Variants in IGFALS observed in about 807,000 individuals in gnomAD.
IGFALS encodes insulin-like growth factor-binding protein complex acid labile subunit.
Under a neutral mutation model 2.6 loss-of-function variants are expected in IGFALS, and 2 were observed. The ratio of observed to expected loss-of-function variants is 0.77; its 90% CI spans 0.32 to 2.44. The LOEUF is 2.44. Ranked by LOEUF, IGFALS falls within the 30% of genes most tolerant of loss-of-function variation. The pLI is 0.11. For missense variants in IGFALS, 996 were observed against 848.7 expected, an observed-to-expected ratio of 1.17 and a Z score of -2.16; for synonymous variants, 519 against 431.9, an observed-to-expected ratio of 1.20 and a Z score of -2.50.
intron 1 of IGFALS, among the ~76,000 whole-genome samples, chr16:1,792,717 C>T (rs1026373969): frequency 6.6e-6 from 1 of 152,196 alleles, no homozygotes; most frequent in East Asian, 1.9e-4. Flanking sequence ...AGCCGCACCC[C>T]CAAGGCAGGC....
At position 1,791,667 on chromosome 16, in the gene IGFALS, G is replaced by T. The variant is rs141404750; in HGVS notation, c.751C>A (p.Arg251Ser). The stretch of plus-strand genomic sequence containing the variant: ...GGGGCCACGGCAGCGATGAGGTTGC[G>T]GTCCAGGTAGAGTTTCTGGAGCCGG... ...LPRLQKLYLDRNLIAAVAPGA... is the reference protein window; with the variant it reads ...LPRLQKLYLDSNLIAAVAPGA... The change falls in exon 2 of 2, where the codon CGC becomes AGC. Residue 251 changes from arginine to serine, a missense_variant. By Grantham distance (110) the Arg-to-Ser change is moderately radical (BLOSUM62 -1). Transcript: ENST00000215539. 1.3e-6 allele frequency: 2 copies of T among 1,583,102 alleles called. No individual in the cohort carries two copies. Among genetic ancestry groups the T allele is most frequent in the East Asian group, 2.3e-5 (1 of 43,176 alleles).
At chr16:1,794,792 G>T (rs1054535633), upstream of IGFALS, 6 of 698,880 alleles carry the variant, frequency 8.6e-6, no homozygotes, top group Admixed American at 2.0e-5. Flanking sequence ...GGCTCGGGGA[G>T]ACCACAGTTT....
chr16:1,792,448 C>A, intron 1 of IGFALS, 47 bp from the exon 2 acceptor site: 1 of 1,497,470 alleles, frequency 6.7e-7, no homozygotes, highest in Non-Finnish European at 8.9e-7. Context: ...GGGCTCTGCC[C>A]GAGTGAGCCT....
At position 1,791,825 on chromosome 16, in the gene IGFALS, T is replaced by A. The variant is rs184411457; in HGVS notation, c.593A>T (p.Glu198Val). The change falls in exon 2 of 2, where the codon GAG (glutamate) becomes GTG (valine). Residue 198 changes from glutamate (E) to valine (V), a missense_variant. Glu to Val is a moderately radical substitution (Grantham distance 121, BLOSUM62 -2). Transcript: ENST00000215539. ...CAGCCTGTTGCCCGCCAGCACCAGC[T>A]CGCGCAGGCTGCCCAGGCCGCGGAA... Reference protein sequence around the residue: ...AAFRGLGSLRELVLAGNRLAY... With the variant: ...AAFRGLGSLRVLVLAGNRLAY... 261 of 1,549,208 alleles carry A rather than the reference T, an allele frequency of 1.7e-4. No homozygotes were observed. In the East Asian group the frequency reaches 4.7e-3, roughly 28 times the overall value.
At position 1,792,050 on chromosome 16, in the gene IGFALS, T is replaced by C. The variant is rs746846600; in HGVS notation, c.368A>G (p.Asn123Ser). 2 of 1,610,454 alleles carry C rather than the reference T, an allele frequency of 1.2e-6. No homozygotes were observed. The highest frequency in any genetic ancestry group is 2.2e-5 in the South Asian group (2 of 90,750). ...CCGCTCCAGGTGCAGGTGGCACAGG[T>C]TCTCTAGGCCCAGCAGCGCCTGTGG... ...LEPQALLGLE[N>S]LCHLHLERNQ... The change falls in exon 2 of 2, where the codon AAC becomes AGC. Residue 123 changes from asparagine (N) to serine (S), a missense_variant. Physicochemically the swap from Asn to Ser is conservative, Grantham distance 46. Transcript: ENST00000215539.
In IGFALS at chr16:1,791,866, C is replaced by T; in HGVS notation, c.552G>A (p.Val184=). Reference sequence around the variant, plus strand: ...GGCCGCGGAACGCCGCATCGGGGAGCACCGCCAGGCTATTCCAGCCGAGGT... The same window carrying T: ...GGCCGCGGAACGCCGCATCGGGGAGTACCGCCAGGCTATTCCAGCCGAGGT... The part of the protein sequence containing the change: ...DLNLGWNSLA[V]LPDAAFRGLG... The change falls in exon 2 of 2, where the codon GTG becomes GTA. Residue 184 remains valine, a synonymous_variant. Coordinates refer to ENST00000215539, the MANE Select transcript of IGFALS (RefSeq NM_004970.3). 1.9e-6 allele frequency: 3 copies of T among 1,558,164 alleles called. No homozygotes were observed. The highest frequency in any genetic ancestry group is 2.6e-6 in the Non-Finnish European group (3 of 1,152,622).
chr16:1,794,604 C>T (rs1002679760), upstream of IGFALS, among the ~76,000 whole-genome samples: 1 of 152,176 alleles, frequency 6.6e-6, no homozygotes, highest in Non-Finnish European at 1.5e-5. Flanking sequence ...TCCACCTGCT[C>T]AAACCACTTC....
At chr16:1,792,836 C>T (rs1394186646) in intron 1 of IGFALS, among the ~76,000 whole-genome samples, 3 of 152,228 alleles carry the variant, frequency 2.0e-5, no homozygotes, top group African/African-American at 7.2e-5. Flanking sequence ...TCTTGGTGGG[C>T]ACTCGCTCAC....
rs557719175 is a variant in IGFALS, at chr16:1,791,695, C to T, written c.723G>A (p.Leu241=). The change falls in exon 2 of 2, where the codon CTG becomes CTA. Residue 241 remains leucine (L), a synonymous_variant. Coordinates refer to ENST00000215539, the MANE Select transcript of IGFALS (RefSeq NM_004970.3). Reference sequence around the variant, plus strand: ...CCAGGTAGAGTTTCTGGAGCCGGGGCAGCTGCACGAACACGTTTGCCTTGA... The same window carrying T: ...CCAGGTAGAGTTTCTGGAGCCGGGGTAGCTGCACGAACACGTTTGCCTTGA... ...RAIKANVFVQ[L]PRLQKLYLDR... The T allele has an allele frequency of 4.4e-6, 7 of 1,575,446 alleles. No individual in the cohort carries two copies. The highest frequency in any genetic ancestry group is 6.0e-6 in the Non-Finnish European group (7 of 1,165,040).
At chr16:1,793,584 G>T in intron 1 of IGFALS, 53 bp downstream of exon 1, 3 of 1,565,904 alleles carry the variant, frequency 1.9e-6, no homozygotes, top group Non-Finnish European at 2.6e-6. Context: ...GCGGGCTCAG[G>T]GTCACAGACT....
rs374126723 is a variant in IGFALS, at chr16:1,792,309, C to T, written c.109G>A (p.Glu37Lys). 2.3e-5 allele frequency: 37 copies of T among 1,597,086 alleles called. No homozygotes were observed. Among genetic ancestry groups the T allele is most frequent in the African/African-American group, 6.7e-5 (5 of 74,878 alleles). Residue 37 changes from glutamate (E) to lysine (K), a missense_variant, in exon 2 of 2, where the codon GAG becomes AAG. Glu to Lys is a moderately conservative substitution (Grantham distance 56). Coordinates refer to ENST00000215539, the MANE Select transcript of IGFALS (RefSeq NM_004970.3). ...CAGGCGGCCGGGCACGCTGGGCCCT[C>T]GGCTTCCCCCGGCGTTCCGGGGTCT... Reference protein sequence around the residue: ...GADPGTPGEAEGPACPAACVC... With the variant: ...GADPGTPGEAKGPACPAACVC...
chr16:1,794,787 G>A (rs942799885), upstream of IGFALS: 8 of 696,898 alleles, frequency 1.1e-5, no homozygotes, highest in East Asian at 2.7e-5. Flanking sequence ...GCCAGGGCTC[G>A]GGGAGACCAC....
At position 1,790,592 on chromosome 16, in the gene IGFALS, G is replaced by C. The variant is rs1198169244; in HGVS notation, c.*8C>G. On this transcript the variant is annotated 3_prime_UTR_variant, in exon 2 of 2. Transcript: ENST00000215539. ...GCCTGAGTCCGGGGCTTGAGTCCGG[G>C]GACCTGGTCAGCAGGGAGCAAAGTG... 6.4e-7 allele frequency: 1 copy of C among 1,560,052 alleles called. No homozygotes were observed. Among genetic ancestry groups the C allele is most frequent in the Non-Finnish European group, 8.7e-7 (1 of 1,152,778 alleles).
chr16:1,792,253 C>CTCA lies in IGFALS; in HGVS notation c.162_164dup (p.Asp54dup). The CTCA allele has an allele frequency of 6.2e-7, 1 of 1,602,814 alleles. No individual in the cohort carries two copies. The highest frequency in any genetic ancestry group is 1.1e-5 in the South Asian group (1 of 91,050). Reference sequence around the variant, plus strand: ...TCCTGGAGCTGCAGAAGACGCTGAGCTCATCCGCGTCGTCATCGTAGCTGC... The same window carrying CTCA: ...TCCTGGAGCTGCAGAAGACGCTGAGCTCATCATCCGCGTCGTCATCGTAGCTGC... On this transcript the variant is annotated inframe_insertion, in exon 2 of 2. Transcript: ENST00000215539.
At position 1,793,626 on chromosome 16, in the gene IGFALS, G is replaced by A. The variant is rs754941288; in HGVS notation, c.16+11C>T. ...CCCTAGAGTGGGTGGCGGGGCACTC[G>A]GGGGCCTCACCTTTCCTCAGGGCCA... On this transcript the variant is annotated intron_variant, in intron 1 of 1. Transcript: ENST00000215539. 5.3e-5 allele frequency: 85 copies of A among 1,594,192 alleles called. No individual in the cohort carries two copies. The highest frequency in any genetic ancestry group is 6.7e-5 in the Non-Finnish European group (78 of 1,169,864).
chr16:1,790,825 C>G lies in IGFALS; in HGVS notation c.1593G>C (p.Leu531=). The G allele has an allele frequency of 1.9e-6, 3 of 1,568,078 alleles. No individual in the cohort carries two copies. ...AGTCCCAGGGGTTACCCTCCAGCCA[C>G]AGGCGCTCCAGGCCCGGGGGCTGCG... ...FTPQPPGLER[L]WLEGNPWDCG... is the part of the protein sequence containing the mutation. The change falls in exon 2 of 2, where the codon CTG becomes CTC. Residue 531 remains leucine (L), a synonymous_variant. Coordinates refer to ENST00000215539, the MANE Select transcript of IGFALS (RefSeq NM_004970.3).
chr16:1,792,611 G>A (rs1486740955), intron 1 of IGFALS: 14 of 907,682 alleles, frequency 1.5e-5, no homozygotes, highest in South Asian at 1.3e-4. Context: ...TGGCCGCCCC[G>A]CCCCGCTGCA....
At position 1,793,656 on chromosome 16, in the gene IGFALS, G is replaced by A; in HGVS notation, c.-4C>T. 1 of 1,595,358 alleles carries A rather than the reference G, an allele frequency of 6.3e-7. No homozygotes were observed. The highest frequency in any genetic ancestry group is 8.5e-7 in the Non-Finnish European group (1 of 1,170,840). On this transcript the variant is annotated 5_prime_UTR_variant, in exon 1 of 2. The change creates a premature stop within an existing upstream ORF in the 5' untranslated region. Coordinates refer to ENST00000215539, the MANE Select transcript of IGFALS (RefSeq NM_004970.3). ...CCTCACCTTTCCTCAGGGCCATCCT[G>A]CATGCAGGGCAGGCTGCAGGCAGGC...
Position 1,791,666 on chromosome 16 carries a change from C to A in IGFALS, c.752G>T (p.Arg251Leu). 1 of 1,582,732 alleles carries A rather than the reference C, an allele frequency of 6.3e-7. No homozygotes were observed. Among genetic ancestry groups the A allele is most frequent in the Non-Finnish European group, 8.6e-7 (1 of 1,167,606 alleles). ...LPRLQKLYLD[R>L]NLIAAVAPGA... ...CGGGGCCACGGCAGCGATGAGGTTG[C>A]GGTCCAGGTAGAGTTTCTGGAGCCG... is the stretch of plus-strand genomic sequence containing the variant. Residue 251 changes from arginine to leucine, a missense_variant, in exon 2 of 2, where the codon CGC becomes CTC. Transcript: ENST00000215539.
Sources: gnomAD v4.1 joint callset for allele counts (sites outside exome capture counted in the v4.1 genomes callset) on GRCh38, gnomAD v4.1.1 for gene constraint, MANE v1.5 for transcripts, NCBI Gene and HGNC (gene_info 2026-07-23, HGNC 2026-07-21) for gene names.